LINGO2: variants seen among roughly 807,000 people sequenced by gnomAD.
LINGO2 encodes the protein leucine rich repeat and Ig domain containing 2.
Under a neutral mutation model 30.6 loss-of-function variants are expected in LINGO2, and 14 were observed. The ratio of observed to expected loss-of-function variants is 0.46; its 90% CI spans 0.30 to 0.72. The LOEUF (loss-of-function observed/expected upper bound fraction) is 0.72, where lower values mean the gene tolerates loss of function less well. Ranked by LOEUF, LINGO2 falls within the 30% of genes least tolerant of loss-of-function variation. LINGO2 has a pLI of 0.07. For missense variants in LINGO2, 729 were observed against 751.7 expected, an observed-to-expected ratio of 0.97 and a Z score of 0.35; for synonymous variants, 317 against 288.5, an observed-to-expected ratio of 1.10 and a Z score of -1.00.
intron 2 of LINGO2, among the ~76,000 whole-genome samples, chr9:28,410,201 A>C (rs1430896268): frequency 6.6e-6 from 1 of 151,978 alleles, no homozygotes; most frequent in Non-Finnish European, 1.5e-5. Flanking sequence ...GGAAAGGAAG[A>C]AATAGAGGTT....
chr9:28,062,136 T>C (rs988641791), intron 4 of LINGO2, among the ~76,000 whole-genome samples: 2 of 151,936 alleles, frequency 1.3e-5, no homozygotes, highest in Non-Finnish European at 2.9e-5. Flanking sequence ...AATCCAAGAC[T>C]GGAAAAGTAA....
chr9:28,943,018 G>T, the LINGO2 span, among the ~76,000 whole-genome samples: 7 of 152,166 alleles, frequency 4.6e-5, no homozygotes, highest in Non-Finnish European at 8.8e-5. Context: ...GTGACAGACA[G>T]AATGATAAAA....
At chr9:28,695,118 G>A in the LINGO2 span, among the ~76,000 whole-genome samples, 1 of 151,742 alleles carries the variant, frequency 6.6e-6, no homozygotes, top group African/African-American at 2.4e-5. Context: ...ATTTCAATTT[G>A]TCATGATTGT....
chr9:28,326,272 T>G (rs1825226131), intron 3 of LINGO2, among the ~76,000 whole-genome samples: 1 of 152,240 alleles, frequency 6.6e-6, no homozygotes, highest in Non-Finnish European at 1.5e-5. Flanking sequence ...CCCAAAGTGC[T>G]GGGATTACAG....
chr9:28,189,314 AGGAAGGAAGGGAGGG>A (rs1819675935), intron 4 of LINGO2, among the ~76,000 whole-genome samples: 1 of 64,874 alleles, frequency 1.5e-5, no homozygotes, highest in Non-Finnish European at 3.3e-5. Context: ...GGAGGAAGGA[AGGAAGGAAGGGAGGG>A]AGGAAGGAAG....
chr9:28,654,839 A>C (rs1435785440), intron 1 of LINGO2, among the ~76,000 whole-genome samples: 1 of 152,152 alleles, frequency 6.6e-6, no homozygotes, highest in African/African-American at 2.4e-5. Flanking sequence ...AGCAGATTAA[A>C]TTAGTTCACA....
chr9:29,183,981 T>G, the LINGO2 span, among the ~76,000 whole-genome samples: 1 of 152,158 alleles, frequency 6.6e-6, no homozygotes, highest in East Asian at 1.9e-4. Context: ...CGGAGTGCTT[T>G]TCATCTTTAG....
At chr9:28,399,211 A>G (rs183572939) in intron 2 of LINGO2, among the ~76,000 whole-genome samples, 3 of 152,340 alleles carry the variant, frequency 2.0e-5, no homozygotes, top group African/African-American at 7.2e-5. Context: ...AAATGGACAC[A>G]TAGACTAGCA....
At chr9:28,106,457 G>T (rs372040614) in intron 4 of LINGO2, among the ~76,000 whole-genome samples, 1 of 152,102 alleles carries the variant, frequency 6.6e-6, no homozygotes, top group Admixed American at 6.6e-5. Flanking sequence ...ACCCCTAGGG[G>T]ATACCATGCA....
the LINGO2 span, among the ~76,000 whole-genome samples, chr9:28,957,586 A>G: frequency 6.6e-6 from 1 of 152,308 alleles, no homozygotes; most frequent in East Asian, 1.9e-4. Context: ...GTCCATACTT[A>G]TGGATGTCTC....
chr9:28,049,668 G>A (rs1324914725), intron 4 of LINGO2, among the ~76,000 whole-genome samples: 2 of 150,764 alleles, frequency 1.3e-5, no homozygotes, highest in East Asian at 2.0e-4. Flanking sequence ...ATATAAGGAT[G>A]AAATGAGACC....
intron 5 of LINGO2, among the ~76,000 whole-genome samples, chr9:27,957,879 C>T (rs891448424): frequency 6.6e-6 from 1 of 152,172 alleles, no homozygotes; most frequent in African/African-American, 2.4e-5. Context: ...TCTTTAATTT[C>T]CTTCAACAAA....
At chr9:28,149,134 C>T (rs1399441470) in intron 4 of LINGO2, 6 of 1,489,004 alleles carry the variant, frequency 4.0e-6, no homozygotes, top group South Asian at 1.2e-5. Context: ...TGTGTAAGAA[C>T]ATGAGGGTGT....
chr9:28,583,737 G>A (rs1824384834), intron 1 of LINGO2, among the ~76,000 whole-genome samples: 1 of 152,022 alleles, frequency 6.6e-6, no homozygotes, highest in Non-Finnish European at 1.5e-5. Flanking sequence ...TGGCTGTTCT[G>A]CCCATATTCT....
intron 1 of LINGO2, among the ~76,000 whole-genome samples, chr9:28,589,720 T>C (rs1222866564): frequency 6.6e-6 from 1 of 151,836 alleles, no homozygotes; most frequent in African/African-American, 2.4e-5. Flanking sequence ...AAAATGGCCA[T>C]ACTGCCCAAG....
intron 5 of LINGO2, among the ~76,000 whole-genome samples, chr9:27,989,103 T>C (rs1183323781): frequency 6.6e-6 from 1 of 151,882 alleles, no homozygotes; most frequent in East Asian, 1.9e-4. Flanking sequence ...TTTTGAAACT[T>C]GTCCAAATCT....
rs1022939403 is a variant in LINGO2, at chr9:27,981,634, G to C, written c.-36+30721C>G. Among the ~76,000 whole-genome samples the C allele has an allele frequency of 2.0e-5, 3 of 149,344 alleles. No individual in the cohort carries two copies. The Admixed American group carries it at 2.0e-4, about 10-fold the overall frequency. ...AGGAACTCTTATAACCCACCCAGGAGGACCTAAGGACTGCTGTTGTTCCCC... is the reference window on the plus strand; with the variant it reads ...AGGAACTCTTATAACCCACCCAGGACGACCTAAGGACTGCTGTTGTTCCCC... On this transcript the variant is annotated intron_variant, in intron 5 of 5. Transcript: ENST00000379992.
intron 4 of LINGO2, among the ~76,000 whole-genome samples, chr9:28,177,617 T>C (rs1351212805): frequency 1.3e-5 from 2 of 152,132 alleles, no homozygotes; most frequent in Non-Finnish European, 2.9e-5. Flanking sequence ...GCTTGACACA[T>C]TAAATGTTCC....
the LINGO2 span, among the ~76,000 whole-genome samples, chr9:28,747,547 A>G: frequency 5.3e-5 from 8 of 152,074 alleles, no homozygotes; most frequent in Admixed American, 3.3e-4. Context: ...CAGGAGCTGC[A>G]GACACCCATC....
Sources: gnomAD v4.1 joint callset for allele counts (sites outside exome capture counted in the v4.1 genomes callset) on GRCh38, gnomAD v4.1.1 for gene constraint, MANE v1.5 for transcripts, NCBI Gene and HGNC (gene_info 2026-07-23, HGNC 2026-07-21) for gene names.